CAMKMT: variants seen among roughly 807,000 people sequenced by gnomAD.
CAMKMT encodes calmodulin-lysine N-methyltransferase.
In CAMKMT, 53 loss-of-function variants were observed where a neutral mutation model predicts 48.0. The ratio of observed to expected loss-of-function variants is 1.10; its 90% CI spans 0.89 to 1.39. The LOEUF is 1.39. Among genes scored for constraint, CAMKMT ranks in the 40% most tolerant of loss-of-function variants. The pLI is 0.00. For missense variants in CAMKMT, 428 were observed against 402.7 expected, an observed-to-expected ratio of 1.06 and a Z score of -0.54; for synonymous variants, 165 against 152.3, an observed-to-expected ratio of 1.08 and a Z score of -0.61.
At chr2:44,484,774 T>G (rs1025757318) in intron 3 of CAMKMT, among the ~76,000 whole-genome samples, 1 of 151,846 alleles carries the variant, frequency 6.6e-6, no homozygotes, top group Non-Finnish European at 1.5e-5. Flanking sequence ...GGACACTATT[T>G]AGAAAGTAGA....
At chr2:44,576,580 G>A (rs1362853180) in intron 3 of CAMKMT, among the ~76,000 whole-genome samples, 4 of 152,182 alleles carry the variant, frequency 2.6e-5, no homozygotes, top group Middle Eastern at 3.2e-3. Context: ...TGAGGGTCCA[G>A]CGTGAATGTG....
At chr2:44,413,305 A>G (rs1329930426) in intron 3 of CAMKMT, among the ~76,000 whole-genome samples, 2 of 152,054 alleles carry the variant, frequency 1.3e-5, no homozygotes, top group Non-Finnish European at 2.9e-5. Context: ...AGAGGCAGGT[A>G]GATATTTAGA....
chr2:44,418,649 T>C (rs1326942612), intron 3 of CAMKMT, among the ~76,000 whole-genome samples: 5 of 152,218 alleles, frequency 3.3e-5, no homozygotes, highest in Non-Finnish European at 5.9e-5. Flanking sequence ...TATAGCTTCA[T>C]AGTGAGTCTG....
intron 3 of CAMKMT, among the ~76,000 whole-genome samples, chr2:44,390,893 T>C (rs544535942): frequency 4.0e-4 from 61 of 152,208 alleles, no homozygotes; most frequent in Non-Finnish European, 7.9e-4. Flanking sequence ...ATATTTCTTA[T>C]AATTCTTGTA....
intron 1 of CAMKMT, among the ~76,000 whole-genome samples, chr2:44,363,384 CT>C (rs1042171727): frequency 2.7e-5 from 4 of 150,502 alleles, no homozygotes; most frequent in East Asian, 1.9e-4. Flanking sequence ...TTCCCCCCTC[CT>C]TTTTTTTTGA....
intron 3 of CAMKMT, among the ~76,000 whole-genome samples, chr2:44,627,033 A>G (rs1672520360): frequency 1.3e-5 from 2 of 152,134 alleles, no homozygotes; most frequent in Admixed American, 6.5e-5. Flanking sequence ...CCTTTATGAG[A>G]GAATGTCCTT....
At chr2:44,462,038 C>G (rs1667874137) in intron 3 of CAMKMT, among the ~76,000 whole-genome samples, 1 of 152,124 alleles carries the variant, frequency 6.6e-6, no homozygotes, top group African/African-American at 2.4e-5. Flanking sequence ...TGTTTCCTTT[C>G]TCCTTATATC....
At chr2:44,634,604 G>A (rs1386413215) in intron 3 of CAMKMT, among the ~76,000 whole-genome samples, 1 of 151,886 alleles carries the variant, frequency 6.6e-6, no homozygotes, top group East Asian at 1.9e-4. Context: ...GCCAGGATTT[G>A]GGGATACAAA....
At chr2:44,387,270 C>T (rs984670682) in intron 2 of CAMKMT, among the ~76,000 whole-genome samples, 3 of 152,088 alleles carry the variant, frequency 2.0e-5, no homozygotes, top group Non-Finnish European at 1.5e-5. Flanking sequence ...TATGTAATGT[C>T]CCTCTTTGTC....
intron 2 of CAMKMT, among the ~76,000 whole-genome samples, chr2:44,374,239 C>T (rs956086451): frequency 2.0e-5 from 3 of 151,524 alleles, no homozygotes; most frequent in Admixed American, 2.0e-4. Flanking sequence ...GATACCCCAA[C>T]TGCTTTGCCT....
At chr2:44,473,871 A>G (rs1013267552) in intron 3 of CAMKMT, among the ~76,000 whole-genome samples, 3 of 152,162 alleles carry the variant, frequency 2.0e-5, no homozygotes, top group Non-Finnish European at 4.4e-5. Flanking sequence ...CCCGTCATTT[A>G]TCTCTGCCCT....
chr2:44,630,867 T>A (rs1169548023), intron 3 of CAMKMT, among the ~76,000 whole-genome samples: 3 of 151,888 alleles, frequency 2.0e-5, no homozygotes, highest in Non-Finnish European at 4.4e-5. Flanking sequence ...GAACTAGAAA[T>A]ACTATTTGAC....
chr2:44,715,478 A>G (rs1250397357), intron 7 of CAMKMT, 125 bp downstream of exon 7: 1 of 679,216 alleles, frequency 1.5e-6, no homozygotes, highest in Non-Finnish European at 2.6e-6. Flanking sequence ...GCACTGTTTT[A>G]AGCACTTTAC....
chr2:44,406,211 C>T lies in CAMKMT; in HGVS notation c.376+15906C>T, dbSNP rs79480603. On this transcript the variant is annotated intron_variant, in intron 3 of 10. Coordinates refer to ENST00000378494, the MANE Select transcript of CAMKMT (RefSeq NM_024766.5). The stretch of plus-strand genomic sequence containing the variant: ...GTTTTAGTATGCCTCTAATTATATT[C>T]TCTGCTTTCAATTATAGCATTGCTC... Among the ~76,000 whole-genome samples, 468 of 152,188 alleles carry T rather than the reference C, an allele frequency of 3.1e-3. 2 individuals are homozygous for T. The highest frequency in any genetic ancestry group is 0.011 in the African/African-American group (452 of 41,540).
At chr2:44,404,011 A>G (rs1480117948) in intron 3 of CAMKMT, among the ~76,000 whole-genome samples, 2 of 152,146 alleles carry the variant, frequency 1.3e-5, no homozygotes, top group African/African-American at 4.8e-5. Flanking sequence ...ATGTTTACCT[A>G]TAGACTTTTT....
chr2:44,423,525 G>A (rs1285858446), intron 3 of CAMKMT, among the ~76,000 whole-genome samples: 3 of 152,128 alleles, frequency 2.0e-5, no homozygotes, highest in Non-Finnish European at 4.4e-5. Flanking sequence ...TCAGTTCTCT[G>A]TCTCCTCCCT....
chr2:44,506,240 A>C (rs968238021), intron 3 of CAMKMT, among the ~76,000 whole-genome samples: 1 of 152,172 alleles, frequency 6.6e-6, no homozygotes, highest in Non-Finnish European at 1.5e-5. Flanking sequence ...TAGGGGTATA[A>C]AAGTGAGAAA....
chr2:44,701,684 C>T (rs1473940089), intron 3 of CAMKMT, among the ~76,000 whole-genome samples: 5 of 152,150 alleles, frequency 3.3e-5, no homozygotes, highest in Admixed American at 6.6e-5. Context: ...ATATCAACAA[C>T]TTTGAAACTA....
intron 3 of CAMKMT, among the ~76,000 whole-genome samples, chr2:44,560,875 G>T (rs1049187263): frequency 2.0e-5 from 3 of 152,128 alleles, no homozygotes; most frequent in Admixed American, 6.5e-5. Flanking sequence ...TTGAAAAGTT[G>T]AATTCACTTG....
Sources: gnomAD v4.1 joint callset for allele counts (sites outside exome capture counted in the v4.1 genomes callset) on GRCh38, gnomAD v4.1.1 for gene constraint, MANE v1.5 for transcripts, NCBI Gene and HGNC (gene_info 2026-07-23, HGNC 2026-07-21) for gene names.